The following TSPAN3 variants were observed in gnomAD, a reference collection of about 807,000 sequenced individuals.
The protein encoded by TSPAN3 is tetraspanin 3.
TSPAN3 carries 9 observed loss-of-function variants against 31.1 expected under a neutral mutation model. The observed-to-expected ratio is 0.29, with a 90% CI of 0.17 to 0.50. The LOEUF (loss-of-function observed/expected upper bound fraction) is 0.50. Among genes scored for constraint, TSPAN3 ranks in the 20% least tolerant of loss-of-function variants. The pLI is 0.98. For missense variants in TSPAN3, 252 were observed against 313.5 expected (o/e 0.80, Z 1.48); for synonymous variants, 129 against 114.3 (o/e 1.13, Z -0.82).
intron 1 of TSPAN3, among the ~76,000 whole-genome samples, chr15:77,060,139 A>G (rs760778302): frequency 6.6e-6 from 1 of 152,216 alleles, no homozygotes; most frequent in Non-Finnish European, 1.5e-5. Flanking sequence ...ACACAACAAG[A>G]TGAGAACATA....
In TSPAN3 at chr15:77,041,519, G is replaced by C. The variant is rs2152694054; in HGVS notation, c.*5316C>G. ...CCTGCCTCAGCCTCCCAAGTAGCTG[G>C]GATTACAGGTGCATGCCACCAGGCC... On this transcript the variant is annotated 3_prime_UTR_variant, in exon 7 of 7. Transcript: ENST00000267970. The C allele has an allele frequency of 6.6e-6, 1 of 152,008 alleles. No homozygotes were observed. Among genetic ancestry groups the C allele is most frequent in the African/African-American group, 2.4e-5 (1 of 41,442 alleles). The allele number at this position is 152,008 out of a possible 1,614,324, so 9.4% of individuals were successfully genotyped here.
At chr15:77,047,866 G>T (rs1402875709) in intron 6 of TSPAN3, among the ~76,000 whole-genome samples, 1 of 152,118 alleles carries the variant, frequency 6.6e-6, no homozygotes, top group Non-Finnish European at 1.5e-5. Context: ...ACATTTGGGG[G>T]TCAATCTAAT....
At chr15:77,053,475 A>AAAAAAAAAAAAAAAAAAAAAAAAAAAAT (rs2076746097) in intron 4 of TSPAN3, among the ~76,000 whole-genome samples, 1 of 87,274 alleles carries the variant, frequency 1.1e-5, no homozygotes, top group Non-Finnish European at 2.9e-5. Flanking sequence ...AAAAAAAAAA[A>AAAAAAAAAAAAAAAAAAAAAAAAAAAAT]AAAAAAAAAA....
chr15:77,055,593 ACACT>A, intron 3 of TSPAN3, 192 bp downstream of exon 3: 1 of 524,488 alleles, frequency 1.9e-6, no homozygotes, highest in Non-Finnish European at 3.4e-6. Context: ...TACATATATA[ACACT>A]CTGCTATATT....
intron 6 of TSPAN3, among the ~76,000 whole-genome samples, chr15:77,049,960 A>G (rs1470442687): frequency 6.6e-6 from 1 of 152,198 alleles, no homozygotes; most frequent in Non-Finnish European, 1.5e-5. Flanking sequence ...AAACAAAGGC[A>G]GGGGTCTCTA....
chr15:77,060,012 G>C (rs111568080), intron 1 of TSPAN3, among the ~76,000 whole-genome samples: 95 of 152,296 alleles, frequency 6.2e-4, no homozygotes, highest in African/African-American at 2.2e-3. Context: ...GAGACAACCA[G>C]ATGCACAACA....
intron 3 of TSPAN3, chr15:77,055,519 A>T: frequency 6.7e-6 from 2 of 300,040 alleles, no homozygotes; most frequent in Non-Finnish European, 1.2e-5. Flanking sequence ...GTGCTGAGGA[A>T]ATCTGAACAA....
chr15:77,053,088 A>G (rs1379306347), intron 4 of TSPAN3, among the ~76,000 whole-genome samples, 159 bp from the exon 5 acceptor site: 1 of 152,226 alleles, frequency 6.6e-6, no homozygotes, highest in Non-Finnish European at 1.5e-5. Context: ...GCCACTAGCC[A>G]CATGAAGCTC....
rs1201210451 is a variant in TSPAN3, at chr15:77,051,162, GTGCTGGGA to G, written c.669+1215_669+1222del. ...GGATCCTACTCCTCGGTCTCCCAAA[GTGCTGGGA>G]TTACAGGTGTAACCCATCACACCTG... On this transcript the variant is annotated intron_variant, in intron 6 of 6. Coordinates refer to ENST00000267970, the MANE Select transcript of TSPAN3 (RefSeq NM_005724.6). Among the ~76,000 whole-genome samples, 5 of 152,084 alleles carry G rather than the reference GTGCTGGGA, an allele frequency of 3.3e-5. No homozygotes were observed. The East Asian group carries it at 9.7e-4, about 29-fold the overall frequency.
chr15:77,059,333 C>T (rs1396285483), intron 1 of TSPAN3, among the ~76,000 whole-genome samples: 3 of 152,318 alleles, frequency 2.0e-5, no homozygotes, highest in Middle Eastern at 3.4e-3. Context: ...CCGCCCGCCT[C>T]GGCCTCCCAA....
intron 1 of TSPAN3, 105 bp downstream of exon 1, chr15:77,070,787 G>A: frequency 1.8e-6 from 1 of 570,106 alleles, no homozygotes; most frequent in Non-Finnish European, 2.2e-6. Context: ...CCCGCGCGCG[G>A]CCCCCGCGCG....
intron 4 of TSPAN3, 99 bp from the exon 5 acceptor site, chr15:77,053,028 T>C (rs1469230798): frequency 1.7e-6 from 2 of 1,160,922 alleles, no homozygotes; most frequent in Non-Finnish European, 2.4e-6. Context: ...AGACCAGTGA[T>C]GTCCGATACA....
chr15:77,047,470 G>A (rs1187611641), intron 6 of TSPAN3, among the ~76,000 whole-genome samples: 1 of 152,160 alleles, frequency 6.6e-6, no homozygotes, highest in Non-Finnish European at 1.5e-5. Flanking sequence ...TTCAGTATGT[G>A]AATAGCCCTA....
rs901275605 is a variant in TSPAN3 at position 77,052,688 on chromosome 15, G to C, written c.585+89C>G. ...AATATATGACATTAAAGACAAGCAA[G>C]GTGGCAGAAAAGAAGTCCCAGATGG... On this transcript the variant is annotated intron_variant, in intron 5 of 6. Transcript: ENST00000267970. The C allele has an allele frequency of 2.0e-5, 29 of 1,427,594 alleles. No individual in the cohort carries two copies. The Admixed American group carries it at 5.8e-4, about 28-fold the overall frequency. 88.4% of individuals were successfully genotyped at this position (1,427,594 alleles called of 1,614,324 possible). A position where few individuals can be genotyped will look rare whatever the true frequency, so the allele number is the denominator to read the frequency against.
chr15:77,064,808 C>T (rs534034273), intron 1 of TSPAN3: 14 of 152,268 alleles, frequency 9.2e-5, no homozygotes, highest in African/African-American at 3.1e-4. Flanking sequence ...TTTGTCAGAG[C>T]AGTCATTCAT....
At chr15:77,052,994 C>G in intron 4 of TSPAN3, 65 bp from the exon 5 acceptor site, 1 of 1,484,958 alleles carries the variant, frequency 6.7e-7, no homozygotes, top group Non-Finnish European at 9.2e-7. Context: ...CCATGTACTA[C>G]AGAGCTTTAA....
chr15:77,062,917 C>A (rs901461773), intron 1 of TSPAN3, among the ~76,000 whole-genome samples: 5 of 152,056 alleles, frequency 3.3e-5, no homozygotes, highest in Non-Finnish European at 7.4e-5. Context: ...ATATTGGAAA[C>A]AAACCAAAAT....
At chr15:77,058,989 T>C (rs1417864412) in intron 1 of TSPAN3, among the ~76,000 whole-genome samples, 1 of 152,192 alleles carries the variant, frequency 6.6e-6, no homozygotes, top group African/African-American at 2.4e-5. Flanking sequence ...CACTGACATA[T>C]TTGCTTTTGG....
Position 77,046,136 on chromosome 15 carries a change from T to C in TSPAN3, c.*699A>G. 3.0e-6 allele frequency: 1 copy of C among 337,124 alleles called. No homozygotes were observed. Among genetic ancestry groups the C allele is most frequent in the Non-Finnish European group, 5.3e-6 (1 of 187,346 alleles). 20.9% of individuals were successfully genotyped at this position (337,124 alleles called of 1,614,324 possible). A position where few individuals can be genotyped will look rare whatever the true frequency, so the allele number is the denominator to read the frequency against. On this transcript the variant is annotated 3_prime_UTR_variant, in exon 7 of 7. Coordinates refer to ENST00000267970, the MANE Select transcript of TSPAN3 (RefSeq NM_005724.6). ...ATGGGTACATTATTTCCAACAAGCT[T>C]AAGACTTACCATGAATGGGCTCATT...
Sources: allele counts gnomAD v4.1 joint callset (sites outside exome capture counted in the v4.1 genomes callset), GRCh38; gene constraint gnomAD v4.1.1; transcripts MANE v1.5; gene names NCBI Gene and HGNC (gene_info 2026-07-23, HGNC 2026-07-21).